The following CACNA2D3 variants were observed in gnomAD, a reference collection of about 807,000 sequenced individuals.
CACNA2D3 encodes voltage-dependent calcium channel subunit alpha-2/delta-3.
A neutral mutation model predicts 160.6 loss-of-function variants in CACNA2D3; 60 were observed. The observed-to-expected ratio is 0.37, with a 90% CI of 0.30 to 0.46. The LOEUF is 0.46. Ranked by LOEUF, CACNA2D3 falls within the 20% of genes least tolerant of loss-of-function variation. The pLI is 1.00. For synonymous variants in CACNA2D3, 558 were observed against 492.9 expected (o/e 1.13, Z -1.75); for missense variants, 1,205 against 1,365.0 (o/e 0.88, Z 1.85).
At chr3:54,288,286 T>C (rs1409275213) in intron 2 of CACNA2D3, among the ~76,000 whole-genome samples, 1 of 152,180 alleles carries the variant, frequency 6.6e-6, no homozygotes, top group African/African-American at 2.4e-5. Context: ...CAGAAAATAC[T>C]ACAAACACCT....
intron 2 of CACNA2D3, among the ~76,000 whole-genome samples, chr3:54,181,572 A>G (rs886099742): frequency 6.6e-6 from 1 of 152,170 alleles, no homozygotes; most frequent in African/African-American, 2.4e-5. Context: ...TAGAAAATTT[A>G]AAGATTTTTT....
chr3:54,471,708 A>G (rs1177880876), intron 4 of CACNA2D3, among the ~76,000 whole-genome samples: 1 of 152,200 alleles, frequency 6.6e-6, no homozygotes, highest in Non-Finnish European at 1.5e-5. Context: ...ATAAAAAATA[A>G]TAAAGGGGAT....
chr3:54,243,152 C>T (rs1299362074), intron 2 of CACNA2D3, among the ~76,000 whole-genome samples: 1 of 152,220 alleles, frequency 6.6e-6, no homozygotes, highest in Non-Finnish European at 1.5e-5. Flanking sequence ...CACTCTCCAG[C>T]TCCCCTGTGC....
intron 31 of CACNA2D3, among the ~76,000 whole-genome samples, chr3:54,988,256 A>G (rs1431223140): frequency 1.3e-5 from 2 of 152,234 alleles, no homozygotes; most frequent in African/African-American, 2.4e-5. Context: ...TGCTTCTGGA[A>G]GAAAACCTAG....
chr3:54,239,094 C>T (rs1035688894), intron 2 of CACNA2D3, among the ~76,000 whole-genome samples: 1 of 152,152 alleles, frequency 6.6e-6, no homozygotes, highest in Admixed American at 6.5e-5. Context: ...GGGTGTCTGA[C>T]CCTGTGGCTA....
intron 27 of CACNA2D3, among the ~76,000 whole-genome samples, chr3:54,942,858 A>G (rs1331524731): frequency 6.6e-6 from 1 of 152,100 alleles, no homozygotes; most frequent in Non-Finnish European, 1.5e-5. Flanking sequence ...CCCCATCTCT[A>G]CTAAAAATAC....
At chr3:55,028,505 A>C (rs1163182867) in intron 35 of CACNA2D3, among the ~76,000 whole-genome samples, 1 of 152,196 alleles carries the variant, frequency 6.6e-6, no homozygotes, top group African/African-American at 2.4e-5. Context: ...AAGTTGGACA[A>C]AATTGGAATC....
intron 2 of CACNA2D3, among the ~76,000 whole-genome samples, chr3:54,278,875 C>A (rs1702806654): frequency 6.6e-6 from 1 of 152,046 alleles, no homozygotes; most frequent in Non-Finnish European, 1.5e-5. Context: ...AGGAGAAATA[C>A]CTAATGTAGA....
intron 11 of CACNA2D3, among the ~76,000 whole-genome samples, chr3:54,675,318 T>TTGCTGA (rs1183225423): frequency 4.6e-5 from 7 of 152,048 alleles, no homozygotes; most frequent in Admixed American, 3.9e-4. Context: ...ATGGTGGATT[T>TTGCTGA]TGCTGATGCT....
chr3:54,321,122 C>T (rs942145866), intron 3 of CACNA2D3, among the ~76,000 whole-genome samples: 6 of 152,066 alleles, frequency 3.9e-5, no homozygotes, highest in African/African-American at 1.5e-4. Context: ...GAGTTCGTGA[C>T]CAGCCTGGCC....
intron 18 of CACNA2D3, chr3:54,878,771 C>T (rs1568983): frequency 0.11 from 35,513 of 335,008 alleles, 4,817 homozygotes; most frequent in African/African-American, 0.42. Context: ...ATCAGTATCG[C>T]CAAGGCTCTT....
intron 17 of CACNA2D3, among the ~76,000 whole-genome samples, chr3:54,858,547 G>A (rs557608436): frequency 2.6e-5 from 4 of 152,314 alleles, no homozygotes; most frequent in South Asian, 2.1e-4. Flanking sequence ...TGAGAAGCAG[G>A]CATTGCATTA....
At chr3:54,203,146 C>T (rs889529467) in intron 2 of CACNA2D3, among the ~76,000 whole-genome samples, 4 of 152,212 alleles carry the variant, frequency 2.6e-5, no homozygotes, top group African/African-American at 4.8e-5. Flanking sequence ...GCATTTGAAT[C>T]AGTGGACTCA....
At chr3:54,857,673 G>C (rs569439872) in intron 17 of CACNA2D3, among the ~76,000 whole-genome samples, 3 of 152,176 alleles carry the variant, frequency 2.0e-5, no homozygotes, top group Non-Finnish European at 4.4e-5. Context: ...CTTGAATCCT[G>C]TTCTCAGGGA....
At chr3:54,541,225 T>C (rs111492653) in intron 5 of CACNA2D3, among the ~76,000 whole-genome samples, 7,809 of 134,216 alleles carry the variant, frequency 0.058, 324 homozygotes, top group Admixed American at 0.16. Context: ...TGCAGTGAGC[T>C]GAGATTACAC....
chr3:54,808,137 A>G (rs1333242501), intron 13 of CACNA2D3, among the ~76,000 whole-genome samples: 3 of 151,848 alleles, frequency 2.0e-5, no homozygotes, highest in Non-Finnish European at 4.4e-5. Flanking sequence ...GCACATCAGC[A>G]TGGCACATGT....
chr3:54,872,174 A>G (rs555317149), intron 18 of CACNA2D3, among the ~76,000 whole-genome samples: 16 of 152,210 alleles, frequency 1.1e-4, no homozygotes, highest in Middle Eastern at 3.4e-3. Flanking sequence ...CCTTGCTGCA[A>G]TTGCACCCCA....
chr3:54,447,027 T>C (rs1700233693), intron 4 of CACNA2D3, among the ~76,000 whole-genome samples: 1 of 152,198 alleles, frequency 6.6e-6, no homozygotes, highest in African/African-American at 2.4e-5. Flanking sequence ...AACTACATAA[T>C]AGGCACTTTT....
chr3:54,289,967 G>A lies in CACNA2D3; in HGVS notation c.205-30475G>A, dbSNP rs111730665. ...AACCATAAAAACCCTAGAAGAAAAC[G>A]TAGGCATTACCATTCAGGACATAGG... On this transcript the variant is annotated intron_variant, in intron 2 of 37. Transcript: ENST00000474759. Among the ~76,000 whole-genome samples, 7 of 150,380 alleles carry A rather than the reference G, an allele frequency of 4.7e-5. No homozygotes were observed. The South Asian group carries it at 1.1e-3, about 23-fold the overall frequency.
Sources: allele counts gnomAD v4.1 joint callset (sites outside exome capture counted in the v4.1 genomes callset), GRCh38; gene constraint gnomAD v4.1.1; transcripts MANE v1.5; gene names NCBI Gene and HGNC (gene_info 2026-07-23, HGNC 2026-07-21).